LMBR1: variants seen among roughly 807,000 people sequenced by gnomAD.
The protein encoded by LMBR1 is limb development membrane protein 1.
A neutral mutation model predicts 73.9 loss-of-function variants in LMBR1; 52 were observed. That is an observed-to-expected ratio of 0.70 (90% CI 0.56 to 0.89). LMBR1 has a LOEUF of 0.89. Among genes scored for constraint, LMBR1 ranks in the 40% least tolerant of loss-of-function variants. The probability of loss-of-function intolerance (pLI) is 0.00; values close to 1 mark genes in which losing one functional copy is unlikely to be tolerated. For missense variants in LMBR1, 539 were observed against 579.8 expected, an observed-to-expected ratio of 0.93 and a Z score of 0.72; for synonymous variants, 215 against 209.4, an observed-to-expected ratio of 1.03 and a Z score of -0.23.
chr7:156,733,744 CA>C (rs1304549870), intron 10 of LMBR1: 1 of 152,154 alleles, frequency 6.6e-6, no homozygotes, highest in Non-Finnish European at 1.5e-5. Context: ...AAAAAATTTC[CA>C]AATTAGTTGA....
chr7:156,836,741 A>G (rs1837704153), intron 2 of LMBR1, 72 bp downstream of exon 2: 1 of 949,842 alleles, frequency 1.1e-6, no homozygotes, highest in African/African-American at 1.7e-5. Flanking sequence ...AAGTGTACTA[A>G]TATATCTTAT....
In LMBR1 at chr7:156,756,459, C is replaced by G; in HGVS notation, c.691G>C (p.Glu231Gln). Residue 231 changes from glutamate to glutamine, a missense_variant, in exon 9 of 17, where the codon GAA (glutamate) becomes CAA (glutamine). Glu to Gln is a conservative substitution (Grantham distance 29, BLOSUM62 2). Transcript: ENST00000353442. The stretch of plus-strand genomic sequence containing the variant: ...ATATAAATTTGTTCATCCAGGTCTT[C>G]AAGAATCTAAATTTAAAGATAAAAC... ...GQLLVKPTIL[E>Q]DLDEQIYIIT... 2.1e-6 allele frequency: 3 copies of G among 1,446,802 alleles called. No individual in the cohort carries two copies. The highest frequency in any genetic ancestry group is 1.9e-6 in the Non-Finnish European group (2 of 1,042,680). The allele number at this position is 1,446,802 out of a possible 1,614,324, so 89.6% of individuals were successfully genotyped here. A position where few individuals can be genotyped will look rare whatever the true frequency, so the allele number is the denominator to read the frequency against.
intron 4 of LMBR1, among the ~76,000 whole-genome samples, chr7:156,812,280 C>T (rs548331852): frequency 4.7e-4 from 72 of 152,046 alleles, no homozygotes; most frequent in African/African-American, 1.6e-3. Flanking sequence ...TGGCCATAAT[C>T]TAATTACATG....
intron 4 of LMBR1, among the ~76,000 whole-genome samples, chr7:156,808,600 A>C (rs1832559372): frequency 6.6e-6 from 1 of 152,154 alleles, no homozygotes; most frequent in African/African-American, 2.4e-5. Context: ...GTTAGCTTTA[A>C]ATCTATCAAC....
At chr7:156,786,552 T>C (rs570616144) in intron 5 of LMBR1, among the ~76,000 whole-genome samples, 48 of 152,308 alleles carry the variant, frequency 3.2e-4, no homozygotes, top group African/African-American at 1.1e-3. Context: ...AAGGACAAAG[T>C]AGCCAAAATA....
At chr7:156,892,867 CG>C in intron 1 of LMBR1, 60 bp downstream of exon 1, 2 of 1,269,968 alleles carry the variant, frequency 1.6e-6, no homozygotes, top group Non-Finnish European at 2.0e-6. Context: ...GGCCCGGGGG[CG>C]GGGACGGAGG....
intron 1 of LMBR1, among the ~76,000 whole-genome samples, chr7:156,861,883 T>A (rs966186977): frequency 6.6e-6 from 1 of 152,204 alleles, no homozygotes; most frequent in Non-Finnish European, 1.5e-5. Flanking sequence ...ACTGTCCATA[T>A]CATTATCTGC....
downstream of LMBR1, chr7:156,676,330 C>T (rs769630363): frequency 3.7e-6 from 6 of 1,612,962 alleles, no homozygotes; most frequent in Middle Eastern, 1.6e-4. Context: ...ACCCATGTCT[C>T]GGGGCACATG....
intron 8 of LMBR1, among the ~76,000 whole-genome samples, chr7:156,758,948 C>G (rs750938): frequency 0.062 from 9,445 of 152,222 alleles, 401 homozygotes; most frequent in East Asian, 0.15. Flanking sequence ...TTCCAAGAAG[C>G]AGGGTTACCA....
intron 4 of LMBR1, among the ~76,000 whole-genome samples, chr7:156,798,673 A>G (rs1830438801): frequency 6.6e-6 from 1 of 152,146 alleles, no homozygotes; most frequent in Non-Finnish European, 1.5e-5. Context: ...GGGGTATAAC[A>G]ATAATTAGTA....
At chr7:156,720,876 A>T (rs1814412133) in intron 15 of LMBR1, among the ~76,000 whole-genome samples, 1 of 152,080 alleles carries the variant, frequency 6.6e-6, no homozygotes, top group Admixed American at 6.6e-5. Context: ...AGCATTGTTT[A>T]TTTCTGTTTC....
intron 5 of LMBR1, among the ~76,000 whole-genome samples, chr7:156,764,443 T>C (rs1327995370): frequency 6.6e-6 from 1 of 152,198 alleles, no homozygotes; most frequent in Non-Finnish European, 1.5e-5. Flanking sequence ...AAATTCTGAC[T>C]TCAGGACCAA....
chr7:156,704,530 A>C (rs1180094744), intron 15 of LMBR1, among the ~76,000 whole-genome samples: 1 of 152,092 alleles, frequency 6.6e-6, no homozygotes, highest in Non-Finnish European at 1.5e-5. Flanking sequence ...AAGATACAAA[A>C]GGCCTGAAAA....
chr7:156,748,816 C>CT (rs1820320134), intron 9 of LMBR1, among the ~76,000 whole-genome samples: 1 of 152,018 alleles, frequency 6.6e-6, no homozygotes, highest in Admixed American at 6.6e-5. Flanking sequence ...TAGAATAACT[C>CT]TCTCTATATA....
rs886062111 is a variant in LMBR1 at position 156,681,305 on chromosome 7, C to A, written c.*2773G>T. The A allele has an allele frequency of 5.3e-6, 2 of 376,700 alleles. No homozygotes were observed. Among genetic ancestry groups the A allele is most frequent in the Non-Finnish European group, 1.0e-5 (2 of 196,022 alleles). 23.3% of individuals were successfully genotyped at this position (376,700 alleles called of 1,614,324 possible). Reference sequence around the variant, plus strand: ...GCCTTTAACACATCTGAGAGCAAAACGCGAGAGGCTCCGTCCATCTCTACT... The same window carrying A: ...GCCTTTAACACATCTGAGAGCAAAAAGCGAGAGGCTCCGTCCATCTCTACT... On this transcript the variant is annotated 3_prime_UTR_variant, in exon 17 of 17. Transcript: ENST00000353442.
chr7:156,828,694 C>T (rs1267513205), intron 3 of LMBR1, among the ~76,000 whole-genome samples: 1 of 152,148 alleles, frequency 6.6e-6, no homozygotes, highest in Non-Finnish European at 1.5e-5. Context: ...ATCACTTTAA[C>T]ACTCCACAAA....
chr7:156,890,411 A>G (rs1180967050), intron 1 of LMBR1, among the ~76,000 whole-genome samples: 9 of 152,244 alleles, frequency 5.9e-5, no homozygotes, highest in Non-Finnish European at 2.9e-5. Context: ...TGGGAAAGAA[A>G]TATGTGCAGT....
chr7:156,847,757 A>C (rs985295269), intron 1 of LMBR1, among the ~76,000 whole-genome samples: 10 of 152,180 alleles, frequency 6.6e-5, no homozygotes, highest in Admixed American at 3.3e-4. Flanking sequence ...CAGAATACGA[A>C]CACCACCAAA....
At chr7:156,719,836 C>G (rs1814124015) in intron 15 of LMBR1, among the ~76,000 whole-genome samples, 1 of 152,034 alleles carries the variant, frequency 6.6e-6, no homozygotes, top group South Asian at 2.1e-4. Context: ...ACAAACCTGA[C>G]AAAAACAAGA....
Sources: gnomAD v4.1 joint callset for allele counts (sites outside exome capture counted in the v4.1 genomes callset) on GRCh38, gnomAD v4.1.1 for gene constraint, MANE v1.5 for transcripts, NCBI Gene and HGNC (gene_info 2026-07-23, HGNC 2026-07-21) for gene names.